KLHL6: variants seen among roughly 807,000 people sequenced by gnomAD.
The protein encoded by KLHL6 is kelch like family member 6, also known as kelch-like protein 6.
Under a neutral mutation model 58.6 loss-of-function variants are expected in KLHL6, and 41 were observed. The ratio of observed to expected loss-of-function variants is 0.70; its 90% confidence interval spans 0.55 to 0.91. The LOEUF (loss-of-function observed/expected upper bound fraction) is 0.91. KLHL6 is among the 40% of genes least tolerant of loss of function. The pLI is 0.00. For synonymous variants in KLHL6, 338 were observed against 322.7 expected, an observed-to-expected ratio of 1.05 and a Z score of -0.51; for missense variants, 714 against 805.6, an observed-to-expected ratio of 0.89 and a Z score of 1.38.
chr3:183,537,937 C>T (rs1335714349), intron 1 of KLHL6, among the ~76,000 whole-genome samples: 1 of 152,142 alleles, frequency 6.6e-6, no homozygotes, highest in East Asian at 1.9e-4. Context: ...AGCACTGTAT[C>T]TAGGGGCCAG....
intron 5 of KLHL6, chr3:183,493,341 A>T (rs749115698): frequency 6.4e-6 from 1 of 155,210 alleles, no homozygotes; most frequent in Non-Finnish European, 1.4e-5. Context: ...GATCCTGGGC[A>T]TGTCCCCCAT....
At chr3:183,529,564 G>A (rs1712089741) in intron 1 of KLHL6, among the ~76,000 whole-genome samples, 1 of 152,134 alleles carries the variant, frequency 6.6e-6, no homozygotes, top group South Asian at 2.1e-4. Flanking sequence ...GGGACCGGGG[G>A]TGGGGGCTTA....
rs1158020371 is a variant in KLHL6, at chr3:183,489,047, C to T, written c.*2880G>A. The T allele has an allele frequency of 6.6e-6, 1 of 152,180 alleles. No individual in the cohort carries two copies. The highest frequency in any genetic ancestry group is 2.4e-5 in the African/African-American group (1 of 41,438). 9.4% of individuals were successfully genotyped at this position (152,180 alleles called of 1,614,324 possible). A position where few individuals can be genotyped will look rare whatever the true frequency, so the allele number is the denominator to read the frequency against. On this transcript the variant is annotated 3_prime_UTR_variant, in exon 7 of 7. Transcript: ENST00000341319. ...GAAACTTGGGTCCTACATTTAGAATCAGGTTTATAGCACAGAAATCCCAAA... is the reference window on the plus strand; with the variant it reads ...GAAACTTGGGTCCTACATTTAGAATTAGGTTTATAGCACAGAAATCCCAAA...
intron 3 of KLHL6, among the ~76,000 whole-genome samples, chr3:183,501,654 G>A (rs1032945796): frequency 3.3e-5 from 5 of 152,118 alleles, no homozygotes; most frequent in Non-Finnish European, 5.9e-5. Flanking sequence ...CCTGACCTAC[G>A]AAAGGCTCTC....
At chr3:183,546,585 G>A (rs1237900284) in intron 1 of KLHL6, among the ~76,000 whole-genome samples, 1 of 152,138 alleles carries the variant, frequency 6.6e-6, no homozygotes, top group Non-Finnish European at 1.5e-5. Context: ...TCTGGGTTTG[G>A]TTCTCCAAAC....
chr3:183,538,587 A>G (rs952173373), intron 1 of KLHL6, among the ~76,000 whole-genome samples: 1 of 152,226 alleles, frequency 6.6e-6, no homozygotes, highest in African/African-American at 2.4e-5. Context: ...ACTAGTCAGC[A>G]TGTACTACAC....
At chr3:183,551,895 TA>T (rs1229461068) in intron 1 of KLHL6, among the ~76,000 whole-genome samples, 15 of 152,126 alleles carry the variant, frequency 9.9e-5, no homozygotes, top group Non-Finnish European at 1.6e-4. Flanking sequence ...AATTTAATTT[TA>T]AAAAAATACA....
chr3:183,541,201 A>G (rs1038075641), intron 1 of KLHL6, among the ~76,000 whole-genome samples: 1 of 152,230 alleles, frequency 6.6e-6, no homozygotes, highest in African/African-American at 2.4e-5. Context: ...CCCTTGTGAC[A>G]GGCAAAGATG....
intron 3 of KLHL6, among the ~76,000 whole-genome samples, chr3:183,503,209 TGAGCA>T (rs1309718010): frequency 6.6e-6 from 1 of 152,250 alleles, no homozygotes; most frequent in Non-Finnish European, 1.5e-5. Flanking sequence ...GGGGACAGAG[TGAGCA>T]TATTGTTTCA....
At chr3:183,528,655 G>T (rs1239427615) in intron 1 of KLHL6, among the ~76,000 whole-genome samples, 1 of 152,166 alleles carries the variant, frequency 6.6e-6, no homozygotes, top group Non-Finnish European at 1.5e-5. Context: ...AAAGGATGTA[G>T]GTTTTATCGT....
In KLHL6 at chr3:183,499,576, T is replaced by C. The variant is rs753834520; in HGVS notation, c.1147+14A>G. The C allele has an allele frequency of 3.2e-6, 5 of 1,555,984 alleles. No individual in the cohort carries two copies. In the South Asian group the frequency reaches 4.8e-5, roughly 15 times the overall value. On this transcript the variant is annotated intron_variant, in intron 4 of 6. Transcript: ENST00000341319. The surrounding 1 kb of genome is among the most constrained non-coding windows in gnomAD (Gnocchi z 4.6). The stretch of plus-strand genomic sequence containing the variant: ...TACTGGAGCTTGCTTTGCCTTTACA[T>C]GACTCCTGCTTACCTGAGATGTAGA...
At chr3:183,493,622 T>C (rs1717631978) in intron 5 of KLHL6, 1 of 165,086 alleles carries the variant, frequency 6.1e-6, no homozygotes, top group African/African-American at 2.4e-5. Context: ...AAGTGGCTCA[T>C]CATCCATGGG....
chr3:183,535,869 G>A lies in KLHL6; in HGVS notation c.294-7859C>T, dbSNP rs147495670. Among the ~76,000 whole-genome samples the A allele has an allele frequency of 5.3e-4, 81 of 152,244 alleles. 1 individual carries two copies. The highest frequency in any genetic ancestry group is 1.4e-3 in the African/African-American group (59 of 41,548). The stretch of plus-strand genomic sequence containing the variant: ...CTGCTCACTGCAAGCTCTGCCTCCC[G>A]GGTTCATGCCATTCTCCTGCCTCAG... On this transcript the variant is annotated intron_variant, in intron 1 of 6. Transcript: ENST00000341319.
At chr3:183,494,316 G>T in intron 4 of KLHL6, 35 bp from the exon 5 acceptor site, 1 of 1,543,824 alleles carries the variant, frequency 6.5e-7, no homozygotes, top group Non-Finnish European at 8.9e-7. Flanking sequence ...GAAACCATCA[G>T]ATGTGTCAGA....
intron 1 of KLHL6, among the ~76,000 whole-genome samples, chr3:183,551,029 G>A (rs908703601): frequency 2.6e-5 from 4 of 151,422 alleles, no homozygotes; most frequent in African/African-American, 9.7e-5. Flanking sequence ...GCTGAGGCAG[G>A]AGAATGGCAT....
intron 1 of KLHL6, chr3:183,552,136 AG>A (rs576174043): frequency 4.6e-5 from 7 of 152,334 alleles, no homozygotes; most frequent in African/African-American, 1.4e-4. Context: ...CCAATGAAAG[AG>A]AAGTTGCAAT....
chr3:183,510,259 G>A (rs1016225500), intron 2 of KLHL6, among the ~76,000 whole-genome samples: 2 of 137,832 alleles, frequency 1.5e-5, no homozygotes, highest in Non-Finnish European at 3.1e-5. Flanking sequence ...TGGGTTGATC[G>A]ATTAATGGGG....
chr3:183,529,030 A>G (rs1712072146), intron 1 of KLHL6, among the ~76,000 whole-genome samples: 1 of 152,244 alleles, frequency 6.6e-6, no homozygotes, highest in Non-Finnish European at 1.5e-5. Context: ...CATTATCCTT[A>G]GCAAACTAAC....
At position 183,492,549 on chromosome 3, in the gene KLHL6, G is replaced by C; in HGVS notation, c.1509C>G (p.Pro503=). The C allele has an allele frequency of 1.9e-6, 3 of 1,614,198 alleles. No individual in the cohort carries two copies. Among genetic ancestry groups the C allele is most frequent in the Non-Finnish European group, 2.5e-6 (3 of 1,180,030 alleles). The change falls in exon 6 of 7, where the codon CCC becomes CCG. Residue 503 remains proline, a synonymous_variant. Transcript: ENST00000341319. The surrounding 1 kb of genome is among the most constrained non-coding windows in gnomAD (Gnocchi z 5.9). ...TNKWSLKAAM[P]VEAKCINAVS... ...CTGCATTGATGCATTTAGCCTCCAC[G>C]GGCATGGCCGCCTTCAAACTCCACT...
Sources: gnomAD v4.1 joint callset for allele counts (sites outside exome capture counted in the v4.1 genomes callset) on GRCh38, gnomAD v4.1.1 for gene constraint, Gnocchi (gnomAD v3.1) non-coding constraint, MANE v1.5 for transcripts, NCBI Gene and HGNC (gene_info 2026-07-23, HGNC 2026-07-21) for gene names.